The following TET1 variants were observed in gnomAD, a reference collection of about 807,000 sequenced individuals.
TET1 encodes the protein methylcytosine dioxygenase TET1.
A neutral mutation model predicts 148.7 loss-of-function variants in TET1; 13 were observed. That is an observed-to-expected ratio of 0.09 (90% CI 0.06 to 0.14). The LOEUF is 0.14. Among genes scored for constraint, TET1 ranks in the 10% least tolerant of loss-of-function variants. The pLI, the probability that TET1 is intolerant of heterozygous loss-of-function variation, is 1.00. For missense variants in TET1, 2,182 were observed against 2,553.8 expected (o/e 0.85, Z 3.14); for synonymous variants, 907 against 937.2 (o/e 0.97, Z 0.59).
chr10:68,624,632 C>CT (rs1323875267), intron 3 of TET1, among the ~76,000 whole-genome samples: 1 of 41,976 alleles, frequency 2.4e-5, no homozygotes, highest in African/African-American at 1.5e-4. Context: ...TTCTTTCTTT[C>CT]TTTCTTTCTT....
intron 3 of TET1, among the ~76,000 whole-genome samples, chr10:68,624,441 C>T (rs570798396): frequency 6.6e-6 from 1 of 152,136 alleles, no homozygotes; most frequent in South Asian, 2.1e-4. Context: ...AGGCATGCGC[C>T]ACCACACCCA....
chr10:68,667,449 C>T (rs1691608680), intron 7 of TET1, among the ~76,000 whole-genome samples, 193 bp downstream of exon 7: 1 of 152,088 alleles, frequency 6.6e-6, no homozygotes, highest in Non-Finnish European at 1.5e-5. Context: ...TTAAATCATT[C>T]TCCTTTGGAA....
chr10:68,595,153 G>GAAAAA lies in TET1; in HGVS notation c.1915-5818_1915-5814dup, dbSNP rs113065548. 3.3e-3 allele frequency among the ~76,000 whole-genome samples: 448 copies of GAAAAA among 135,428 alleles called. 4 individuals are homozygous for GAAAAA. The highest frequency in any genetic ancestry group is 0.011 in the African/African-American group (421 of 37,146). 88.8% of individuals were successfully genotyped at this position (135,428 alleles called of 152,430 possible). A position where few individuals can be genotyped will look rare whatever the true frequency, so the allele number is the denominator to read the frequency against. On this transcript the variant is annotated intron_variant, in intron 2 of 11. Transcript: ENST00000373644. ...GGGGAAGAGAGTGAGACCCTATCAA[G>GAAAAA]AAAAAAAAAAAAAATCTCTGAAAGG... is the stretch of plus-strand genomic sequence containing the variant.
At chr10:68,621,863 GAA>G (rs1840049047) in intron 3 of TET1, among the ~76,000 whole-genome samples, 1 of 152,120 alleles carries the variant, frequency 6.6e-6, no homozygotes, top group Admixed American at 6.6e-5. Context: ...CCTTGAGGGA[GAA>G]AAAGGGTCTT....
At chr10:68,625,970 T>A (rs2132998920) in intron 3 of TET1, among the ~76,000 whole-genome samples, 1 of 151,248 alleles carries the variant, frequency 6.6e-6, no homozygotes, top group East Asian at 1.9e-4. Flanking sequence ...TGCAGTCCCA[T>A]CTACTCAGAA....
rs551632435 is a variant in TET1, at chr10:68,693,568, C to T, written c.*1754C>T. ...AAAAACAAAATGTCCATTGATAGAC[C>T]ATCGTGTACAAGTAGATTTCTGCTT... On this transcript the variant is annotated 3_prime_UTR_variant, in exon 12 of 12. Transcript: ENST00000373644. 7 of 232,792 alleles carry T rather than the reference C, an allele frequency of 3.0e-5. No individual in the cohort carries two copies. The highest frequency in any genetic ancestry group is 8.5e-6 in the Non-Finnish European group (1 of 117,766). The allele number at this position is 232,792 out of a possible 1,614,324, so 14.4% of individuals were successfully genotyped here.
intron 6 of TET1, among the ~76,000 whole-genome samples, chr10:68,658,625 ACT>A (rs1412100528): frequency 1.3e-5 from 2 of 150,586 alleles, no homozygotes; most frequent in African/African-American, 4.9e-5. Context: ...GGTCATTAAA[ACT>A]CTCACATAAT....
chr10:68,669,313 T>A (rs1298596497), intron 7 of TET1, among the ~76,000 whole-genome samples: 1 of 151,844 alleles, frequency 6.6e-6, no homozygotes, highest in Non-Finnish European at 1.5e-5. Context: ...AGTCTTTTTT[T>A]TCCTTTTTTC....
At position 68,693,975 on chromosome 10, in the gene TET1, T is replaced by C; in HGVS notation, c.*2161T>C. On this transcript the variant is annotated 3_prime_UTR_variant, in exon 12 of 12. Transcript: ENST00000373644. ...TTATTTTTCTTTGGATCACCACCTA[T>C]GACATAGTAAACTTGAAGAATAAAA... The C allele has an allele frequency of 8.7e-6, 2 of 230,724 alleles. No individual in the cohort carries two copies. Among genetic ancestry groups the C allele is most frequent in the Non-Finnish European group, 1.7e-5 (2 of 116,542 alleles). The allele number at this position is 230,724 out of a possible 1,614,324, so 14.3% of individuals were successfully genotyped here. A position where few individuals can be genotyped will look rare whatever the true frequency, so the allele number is the denominator to read the frequency against.
intron 3 of TET1, among the ~76,000 whole-genome samples, chr10:68,616,671 G>A: frequency 6.6e-6 from 1 of 151,998 alleles, no homozygotes. Flanking sequence ...AAATTGCTGG[G>A]ATTACAGGTG....
chr10:68,618,533 T>C (rs1327171867), intron 3 of TET1, among the ~76,000 whole-genome samples: 1 of 152,132 alleles, frequency 6.6e-6, no homozygotes, highest in African/African-American at 2.4e-5. Context: ...GATAACCAAT[T>C]AATCAGTGAC....
intron 7 of TET1, among the ~76,000 whole-genome samples, chr10:68,672,252 C>G (rs1197918038): frequency 6.6e-6 from 1 of 151,774 alleles, no homozygotes; most frequent in African/African-American, 2.4e-5. Flanking sequence ...AATCCCAGAA[C>G]TTTGGGAGGG....
At chr10:68,659,314 A>G (rs1268473475) in intron 6 of TET1, among the ~76,000 whole-genome samples, 1 of 152,064 alleles carries the variant, frequency 6.6e-6, no homozygotes, top group South Asian at 2.1e-4. Context: ...AGATGTGGCA[A>G]TGAATACCTA....
intron 2 of TET1, 21 bp downstream of exon 2, chr10:68,574,273 C>G (rs188738476): frequency 1.3e-6 from 2 of 1,592,604 alleles, no homozygotes; most frequent in African/African-American, 2.7e-5. Flanking sequence ...AGTCAAGGGG[C>G]TGGGAGACAG....
At chr10:68,618,063 C>G (rs2054320709) in intron 3 of TET1, among the ~76,000 whole-genome samples, 1 of 151,966 alleles carries the variant, frequency 6.6e-6, no homozygotes, top group Non-Finnish European at 1.5e-5. Flanking sequence ...CGTTAGTCAC[C>G]ATACCTGGCT....
chr10:68,646,479 A>G lies in TET1; in HGVS notation c.3750A>G (p.Ser1250=), dbSNP rs747999038. ...TQIKLQRYPE[S]AEEKVKVEPL... Reference sequence around the variant, plus strand: ...TAAAATTACAGAGATATCCTGAATCAGCAGAGGAAAAGGTGAAGGTTGAAC... The same window carrying G: ...TAAAATTACAGAGATATCCTGAATCGGCAGAGGAAAAGGTGAAGGTTGAAC... Residue 1250 remains serine (S), a synonymous_variant, in exon 4 of 12, where the codon TCA becomes TCG. Coordinates refer to ENST00000373644, the MANE Select transcript of TET1 (RefSeq NM_030625.3). 5.7e-5 allele frequency: 92 copies of G among 1,614,116 alleles called. No individual in the cohort carries two copies. Among genetic ancestry groups the G allele is most frequent in the Non-Finnish European group, 7.3e-5 (86 of 1,180,056 alleles).
At chr10:68,595,396 G>A (rs1417253700) in intron 2 of TET1, among the ~76,000 whole-genome samples, 2 of 151,904 alleles carry the variant, frequency 1.3e-5, no homozygotes, top group African/African-American at 2.4e-5. Flanking sequence ...GAAGGAAATT[G>A]TGTTTCGGTC....
At chr10:68,581,938 TTTAA>T (rs2053803211) in intron 2 of TET1, among the ~76,000 whole-genome samples, 1 of 152,170 alleles carries the variant, frequency 6.6e-6, no homozygotes, top group African/African-American at 2.4e-5. Context: ...GTATCATGCA[TTTAA>T]TTAACTTTCA....
In TET1 at chr10:68,628,736, T is replaced by C. The variant is rs371627696; in HGVS notation, c.1969-15962T>C. ...GAAGGATCGAATAACAAGGGCATTC[T>C]AGGACTTGAAGCAAGGCTGCTTGAA... On this transcript the variant is annotated intron_variant, in intron 3 of 11. Coordinates refer to ENST00000373644, the MANE Select transcript of TET1 (RefSeq NM_030625.3). 8.5e-5 allele frequency among the ~76,000 whole-genome samples: 13 copies of C among 152,316 alleles called. No individual in the cohort carries two copies. In the East Asian group the frequency reaches 2.1e-3, roughly 25 times the overall value.
Sources: allele counts gnomAD v4.1 joint callset (sites outside exome capture counted in the v4.1 genomes callset), GRCh38; gene constraint gnomAD v4.1.1; transcripts MANE v1.5; gene names NCBI Gene and HGNC (gene_info 2026-07-23, HGNC 2026-07-21).